The following CDK14 variants were observed in gnomAD, a reference collection of about 807,000 sequenced individuals.
CDK14 encodes the protein cyclin dependent kinase 14.
In CDK14, 34 loss-of-function variants were observed where a neutral mutation model predicts 60.7. That is an observed-to-expected ratio of 0.56 (90% CI 0.43 to 0.75). The LOEUF is 0.75. CDK14 is among the 30% of genes least tolerant of loss of function. The pLI is 0.00. For missense variants in CDK14, 482 were observed against 564.1 expected, an observed-to-expected ratio of 0.85 and a Z score of 1.47; for synonymous variants, 197 against 203.7, an observed-to-expected ratio of 0.97 and a Z score of 0.28.
chr7:90,817,555 T>C (rs751000010), intron 5 of CDK14, among the ~76,000 whole-genome samples: 1 of 152,222 alleles, frequency 6.6e-6, no homozygotes, highest in Non-Finnish European at 1.5e-5. Flanking sequence ...ATTTTCTTGA[T>C]AGAGACTGAG....
chr7:91,021,242 G>C (rs539549027), intron 10 of CDK14, among the ~76,000 whole-genome samples: 1 of 152,280 alleles, frequency 6.6e-6, no homozygotes, highest in African/African-American at 2.4e-5. Flanking sequence ...TTGTACAAGG[G>C]CATGACTAAT....
At chr7:90,713,873 C>T (rs146533357) in intron 2 of CDK14, among the ~76,000 whole-genome samples, 34 of 152,072 alleles carry the variant, frequency 2.2e-4, no homozygotes, top group South Asian at 1.9e-3. Context: ...CTCAATGTAA[C>T]CATCTGCAAA....
At chr7:90,665,146 A>G (rs774515980) in intron 2 of CDK14, among the ~76,000 whole-genome samples, 6 of 151,894 alleles carry the variant, frequency 4.0e-5, no homozygotes, top group Non-Finnish European at 7.4e-5. Flanking sequence ...TTAGCTGGGC[A>G]TAGTGGCGGG....
intron 5 of CDK14, among the ~76,000 whole-genome samples, chr7:90,827,721 C>G (rs1411482965): frequency 6.6e-6 from 1 of 152,206 alleles, no homozygotes; most frequent in Non-Finnish European, 1.5e-5. Flanking sequence ...CATCCTTAAT[C>G]CATTCCAATT....
At chr7:90,674,354 T>C (rs892695269) in intron 2 of CDK14, among the ~76,000 whole-genome samples, 1 of 152,138 alleles carries the variant, frequency 6.6e-6, no homozygotes, top group African/African-American at 2.4e-5. Flanking sequence ...TGTCAGAGTT[T>C]AGATGAGAAG....
Position 90,630,967 on chromosome 7 carries a change from C to A in CDK14, c.123+26718C>A, listed in dbSNP as rs568161361. The stretch of plus-strand genomic sequence containing the variant: ...AATAAAAGTTAATCTCTTTTATTTT[C>A]TTTTTATATTACATTTTGGACTTTA... On this transcript the variant is annotated intron_variant, in intron 2 of 14. Coordinates refer to ENST00000380050, the MANE Select transcript of CDK14 (RefSeq NM_001287135.2). Among the ~76,000 whole-genome samples the A allele has an allele frequency of 5.3e-5, 8 of 150,504 alleles. No homozygotes were observed. The East Asian group carries it at 1.6e-3, about 30-fold the overall frequency.
At chr7:91,023,094 C>G (rs1454777352) in intron 10 of CDK14, among the ~76,000 whole-genome samples, 1 of 151,736 alleles carries the variant, frequency 6.6e-6, no homozygotes, top group Non-Finnish European at 1.5e-5. Context: ...ACATGTGAAA[C>G]TTGGTGTTTC....
intron 14 of CDK14, among the ~76,000 whole-genome samples, chr7:91,146,522 G>A (rs1397891802): frequency 2.0e-5 from 3 of 152,140 alleles, no homozygotes; most frequent in Admixed American, 6.5e-5. Flanking sequence ...ATTGGTAGTC[G>A]TGCCAACAGT....
rs1328331895 is a variant in CDK14 at position 90,709,206 on chromosome 7, C to T, written c.124-17361C>T. The T allele has an allele frequency of 1.4e-5, 4 of 276,440 alleles. No homozygotes were observed. In the East Asian group the frequency reaches 2.1e-4, roughly 14 times the overall value. The allele number at this position is 276,440 out of a possible 1,614,324, so 17.1% of individuals were successfully genotyped here. On this transcript the variant is annotated intron_variant, in intron 2 of 14. Transcript: ENST00000380050. The stretch of plus-strand genomic sequence containing the variant: ...TGGTGCGTGGTTATTTTAGACTTCT[C>T]ATCATACTCCATTTGCATATGACAA...
At chr7:91,043,175 A>G (rs2116009535) in intron 10 of CDK14, among the ~76,000 whole-genome samples, 1 of 152,376 alleles carries the variant, frequency 6.6e-6, no homozygotes, top group South Asian at 2.1e-4. Context: ...TTGAAACAGA[A>G]CACTGGATAT....
At chr7:90,940,813 A>G (rs1006363933) in intron 8 of CDK14, among the ~76,000 whole-genome samples, 23 of 152,018 alleles carry the variant, frequency 1.5e-4, no homozygotes, top group African/African-American at 4.8e-4. Flanking sequence ...ATCTATCTAT[A>G]TCTGTATTTA....
intron 2 of CDK14, among the ~76,000 whole-genome samples, chr7:90,697,635 G>A (rs17690746): frequency 0.22 from 33,551 of 152,032 alleles, 4,244 homozygotes; most frequent in Middle Eastern, 0.3. Flanking sequence ...AAACCTAGAA[G>A]TAATTTCAGA....
chr7:90,680,638 G>C (rs1245562505), intron 2 of CDK14, among the ~76,000 whole-genome samples: 1 of 152,186 alleles, frequency 6.6e-6, no homozygotes, highest in Non-Finnish European at 1.5e-5. Flanking sequence ...GCAGTGAATA[G>C]AGTTGCATGT....
intron 5 of CDK14, among the ~76,000 whole-genome samples, chr7:90,852,312 T>A (rs956703465): frequency 3.9e-5 from 6 of 152,368 alleles, no homozygotes; most frequent in South Asian, 2.1e-4. Flanking sequence ...GCTTATTAAA[T>A]AACATTTTGC....
At chr7:90,810,295 G>A (rs1039512054) in intron 5 of CDK14, among the ~76,000 whole-genome samples, 6 of 152,178 alleles carry the variant, frequency 3.9e-5, no homozygotes, top group Admixed American at 1.3e-4. Context: ...CATCATCCCA[G>A]GGATGCAAGG....
At chr7:91,026,409 A>G (rs1796570005) in intron 10 of CDK14, among the ~76,000 whole-genome samples, 1 of 152,350 alleles carries the variant, frequency 6.6e-6, no homozygotes, top group Non-Finnish European at 1.5e-5. Flanking sequence ...TTGATAATCC[A>G]GAGTGAAAAC....
intron 14 of CDK14, among the ~76,000 whole-genome samples, chr7:91,154,924 T>A (rs965910421): frequency 6.6e-6 from 1 of 152,202 alleles, no homozygotes; most frequent in Non-Finnish European, 1.5e-5. Context: ...CCAAACGTTT[T>A]AAGCCTAGGG....
intron 6 of CDK14, among the ~76,000 whole-genome samples, chr7:90,894,049 C>A (rs1792220450): frequency 6.6e-6 from 1 of 152,102 alleles, no homozygotes; most frequent in African/African-American, 2.4e-5. Context: ...TTATTTCAAT[C>A]TCTTCCAACA....
chr7:90,800,823 T>A (rs1037626710), intron 5 of CDK14, among the ~76,000 whole-genome samples: 2 of 152,202 alleles, frequency 1.3e-5, no homozygotes, highest in African/African-American at 4.8e-5. Context: ...CATGCTTCTT[T>A]TAGAGGCTAT....
Sources: gnomAD v4.1 joint callset for allele counts (sites outside exome capture counted in the v4.1 genomes callset) on GRCh38, gnomAD v4.1.1 for gene constraint, MANE v1.5 for transcripts, NCBI Gene and HGNC (gene_info 2026-07-23, HGNC 2026-07-21) for gene names.